The following BRD10 variants were observed in gnomAD, a reference collection of about 807,000 sequenced individuals.
BRD10 encodes the protein bromodomain containing 10, also known as uncharacterized bromodomain-containing protein 10.
At chr9:5,942,447 C>G in the BRD10 span, among the ~76,000 whole-genome samples, 1 of 152,120 alleles carries the variant, frequency 6.6e-6, no homozygotes. Flanking sequence ...ACGTAACATA[C>G]ATTTCATAAC....
the BRD10 span, among the ~76,000 whole-genome samples, chr9:5,929,822 G>A: frequency 3.3e-5 from 5 of 152,144 alleles, no homozygotes; most frequent in East Asian, 9.6e-4. Context: ...GCATTGTTAT[G>A]TTCACTTTAC....
chr9:5,970,911 G>C, the BRD10 span, among the ~76,000 whole-genome samples: 22,565 of 151,820 alleles, frequency 0.15, 1,855 homozygotes, highest in Middle Eastern at 0.24. Flanking sequence ...AATTAGCTGG[G>C]CATGGTGGCA....
the BRD10 span, among the ~76,000 whole-genome samples, chr9:5,956,867 T>C: frequency 6.6e-6 from 1 of 152,132 alleles, no homozygotes; most frequent in Admixed American, 6.5e-5. Context: ...ATCACATTAT[T>C]CACTCTGTAT....
At chr9:5,919,166 A>C in the BRD10 span, 1 of 153,132 alleles carries the variant, frequency 6.5e-6, no homozygotes, top group Non-Finnish European at 1.5e-5. Context: ...ACATATATTT[A>C]GTACAGGTTG....
chr9:5,886,394 A>G, the BRD10 span, among the ~76,000 whole-genome samples: 1 of 152,210 alleles, frequency 6.6e-6, no homozygotes, highest in Non-Finnish European at 1.5e-5. Flanking sequence ...AGTTCACACT[A>G]TTGTTGCTAG....
At chr9:5,937,544 G>T in the BRD10 span, among the ~76,000 whole-genome samples, 5 of 152,046 alleles carry the variant, frequency 3.3e-5, no homozygotes, top group Admixed American at 2.0e-4. Context: ...ACAAAAAAAA[G>T]AAAATAAAAA....
chr9:5,885,148 C>T, the BRD10 span, among the ~76,000 whole-genome samples: 15 of 152,326 alleles, frequency 9.8e-5, no homozygotes, highest in East Asian at 3.9e-4. Flanking sequence ...TTCTCTACCT[C>T]GCCACTATCC....
At chr9:6,007,674 G>A in the BRD10 span, 5 of 1,608,936 alleles carry the variant, frequency 3.1e-6, no homozygotes, top group Non-Finnish European at 3.4e-6. Context: ...CCGGCCCTGA[G>A]GTCTGGGCCG....
At chr9:5,911,659 C>T in the BRD10 span, among the ~76,000 whole-genome samples, 8 of 151,896 alleles carry the variant, frequency 5.3e-5, no homozygotes, top group South Asian at 4.2e-4. Context: ...CTCAGCCTCC[C>T]GAGTAACTGG....
At chr9:5,900,033 A>G in the BRD10 span, among the ~76,000 whole-genome samples, 1 of 152,232 alleles carries the variant, frequency 6.6e-6, no homozygotes, top group Non-Finnish European at 1.5e-5. Flanking sequence ...GTATATCAAA[A>G]ACAAAATGTT....
At chr9:5,914,370 G>T in the BRD10 span, among the ~76,000 whole-genome samples, 1 of 136,448 alleles carries the variant, frequency 7.3e-6, no homozygotes, top group South Asian at 2.6e-4. Context: ...AAGCCTGAAA[G>T]AATTACAATT....
the BRD10 span, among the ~76,000 whole-genome samples, chr9:5,884,516 A>AC: frequency 6.6e-6 from 1 of 152,040 alleles, no homozygotes; most frequent in Non-Finnish European, 1.5e-5. Flanking sequence ...TCCCGTCCTC[A>AC]CCCGAAGTTA....
chr9:5,914,813 G>A, the BRD10 span, among the ~76,000 whole-genome samples: 30 of 152,130 alleles, frequency 2.0e-4, no homozygotes, highest in African/African-American at 6.7e-4. Context: ...ACTGTATTTA[G>A]GCTGAATTAA....
chr9:5,994,946 C>A, the BRD10 span, among the ~76,000 whole-genome samples: 2 of 148,154 alleles, frequency 1.3e-5, no homozygotes, highest in African/African-American at 2.5e-5. Context: ...GTTGCCCAGG[C>A]TGGAGTGCAA....
chr9:5,982,276 G>C, the BRD10 span, among the ~76,000 whole-genome samples: 3 of 152,138 alleles, frequency 2.0e-5, no homozygotes, highest in African/African-American at 7.2e-5. Flanking sequence ...TACATTTTCA[G>C]ACACTGGACA....
At chr9:6,003,318 TATC>T in the BRD10 span, among the ~76,000 whole-genome samples, 1 of 152,206 alleles carries the variant, frequency 6.6e-6, no homozygotes, top group Non-Finnish European at 1.5e-5. Context: ...TTTTCAAAAA[TATC>T]ATCATTTAAA....
the BRD10 span, chr9:5,968,226 G>A: frequency 6.2e-7 from 1 of 1,612,598 alleles, no homozygotes; most frequent in Admixed American, 1.7e-5. Context: ...TGGCTCTGTA[G>A]TGACTGCTCT....
At chr9:5,924,659 T>G in the BRD10 span, 3 of 1,494,212 alleles carry the variant, frequency 2.0e-6, no homozygotes, top group East Asian at 2.3e-5. Context: ...AATGCTTACC[T>G]GAATCAAAGT....
chr9:5,992,817 A>G, the BRD10 span, among the ~76,000 whole-genome samples: 25 of 152,172 alleles, frequency 1.6e-4, no homozygotes, highest in African/African-American at 4.8e-4. Flanking sequence ...TTATTACAAT[A>G]AGTCTTAACA....
Sources: allele counts gnomAD v4.1 joint callset (sites outside exome capture counted in the v4.1 genomes callset), GRCh38; gene constraint gnomAD v4.1.1; transcripts MANE v1.5; gene names NCBI Gene and HGNC (gene_info 2026-07-23, HGNC 2026-07-21).